KCNC2: variants seen among roughly 807,000 people sequenced by gnomAD.
The protein encoded by KCNC2 is voltage-gated potassium channel KCNC2.
KCNC2 carries 21 observed loss-of-function variants against 44.5 expected under a neutral mutation model. The ratio of observed to expected loss-of-function variants is 0.47; its 90% confidence interval spans 0.33 to 0.68. The LOEUF is 0.68. Ranked by LOEUF, KCNC2 falls within the 30% of genes least tolerant of loss-of-function variation. KCNC2 has a pLI of 0.01. For missense variants in KCNC2, 589 were observed against 826.2 expected, an observed-to-expected ratio of 0.71 and a Z score of 3.52; for synonymous variants, 391 against 339.1, an observed-to-expected ratio of 1.15 and a Z score of -1.68.
At position 75,172,945 on chromosome 12, in the gene KCNC2, T is replaced by C. The variant is rs776070463; in HGVS notation, c.687+34352A>G. On this transcript the variant is annotated intron_variant, in intron 2 of 4. Transcript: ENST00000549446. ...ATTATAACCAGAGAGCCAGATAGAATTCTGAGAAAAGCAAATCTGGCAATT... is the reference window on the plus strand; with the variant it reads ...ATTATAACCAGAGAGCCAGATAGAACTCTGAGAAAAGCAAATCTGGCAATT... 2.0e-5 allele frequency among the ~76,000 whole-genome samples: 3 copies of C among 151,954 alleles called. 1 individual carries two copies. The highest frequency in any genetic ancestry group is 2.0e-4 in the Admixed American group (3 of 15,240).
intron 2 of KCNC2, among the ~76,000 whole-genome samples, chr12:75,061,875 C>T (rs559807063): frequency 1.8e-4 from 28 of 152,014 alleles, no homozygotes; most frequent in African/African-American, 6.8e-4. Context: ...TTCTGAGAAG[C>T]ATCAGGAAAG....
At chr12:75,071,467 C>T (rs1411021966) in intron 2 of KCNC2, among the ~76,000 whole-genome samples, 2 of 152,166 alleles carry the variant, frequency 1.3e-5, no homozygotes, top group Non-Finnish European at 2.9e-5. Context: ...TTGTGTACAG[C>T]TTATACTTAT....
intron 2 of KCNC2, among the ~76,000 whole-genome samples, chr12:75,195,139 G>A (rs1002942018): frequency 6.6e-6 from 1 of 152,104 alleles, no homozygotes; most frequent in African/African-American, 2.4e-5. Flanking sequence ...TAGAAACTGT[G>A]CAAAAACTAA....
Position 75,041,037 on chromosome 12 carries a change from T to C in KCNC2, c.*2068A>G. On this transcript the variant is annotated 3_prime_UTR_variant, in exon 5 of 5. Coordinates refer to ENST00000549446, the MANE Select transcript of KCNC2 (RefSeq NM_139137.4). Reference sequence around the variant, plus strand: ...AGATGAGTTCCAGCCGCAGTTCTTTTATAAGCTTTAAGTGCCTCATGAAGA... The same window carrying C: ...AGATGAGTTCCAGCCGCAGTTCTTTCATAAGCTTTAAGTGCCTCATGAAGA... 1 of 1,340,126 alleles carries C rather than the reference T, an allele frequency of 7.5e-7. No individual in the cohort carries two copies. Among genetic ancestry groups the C allele is most frequent in the South Asian group, 1.2e-5 (1 of 84,940 alleles). 83.0% of individuals were successfully genotyped at this position (1,340,126 alleles called of 1,614,324 possible). A position where few individuals can be genotyped will look rare whatever the true frequency, so the allele number is the denominator to read the frequency against.
chr12:75,075,182 A>G (rs1410357432), intron 2 of KCNC2, among the ~76,000 whole-genome samples: 1 of 152,102 alleles, frequency 6.6e-6, no homozygotes, highest in East Asian at 1.9e-4. Context: ...GGTCAAATCT[A>G]TATTTCAGAA....
intron 2 of KCNC2, among the ~76,000 whole-genome samples, chr12:75,145,927 T>A (rs1889991012): frequency 6.6e-6 from 1 of 151,918 alleles, no homozygotes; most frequent in Non-Finnish European, 1.5e-5. Context: ...ATGTTACAGC[T>A]ACAACTAAAG....
Position 75,207,873 on chromosome 12 carries a change from A to G in KCNC2, c.111T>C (p.Leu37=), listed in dbSNP as rs766224762. 7 of 1,612,318 alleles carry G rather than the reference A, an allele frequency of 4.3e-6. No individual in the cohort carries two copies. The highest frequency in any genetic ancestry group is 1.7e-5 in the Admixed American group (1 of 59,978). The part of the protein sequence containing the change: ...KTLPGTRLAL[L]ASSEPPGDCL... ...AGTCGCCTGGGGGCTCGGAGGAGGC[A>G]AGAAGGGCCAGGCGTGTTCCAGGCA... is the stretch of plus-strand genomic sequence containing the variant. Residue 37 remains leucine (L), a synonymous_variant, in exon 2 of 5, where the codon CTT becomes CTC. Transcript: ENST00000549446. The surrounding 1 kb of genome is among the most constrained non-coding windows in gnomAD (Gnocchi z 4.1).
At chr12:75,106,253 G>T (rs1480080211) in intron 2 of KCNC2, among the ~76,000 whole-genome samples, 3 of 152,184 alleles carry the variant, frequency 2.0e-5, no homozygotes, top group Non-Finnish European at 4.4e-5. Flanking sequence ...TTGGGAGTTA[G>T]AAACCAGAGA....
chr12:75,086,681 A>AAATATATATATAT (rs1206456289), intron 2 of KCNC2, among the ~76,000 whole-genome samples: 52 of 54,178 alleles, frequency 9.6e-4, no homozygotes, highest in African/African-American at 1.0e-3. Flanking sequence ...AAAAAAAAAA[A>AAATATATATATAT]ATATATATAT....
chr12:75,089,216 T>A (rs1002004478), intron 2 of KCNC2, among the ~76,000 whole-genome samples: 9 of 151,884 alleles, frequency 5.9e-5, no homozygotes, highest in African/African-American at 1.9e-4. Flanking sequence ...TCTCTGTTAA[T>A]ATTCTATGAA....
At chr12:75,208,367 C>T (rs540108251) in intron 1 of KCNC2, among the ~76,000 whole-genome samples, 1 of 151,640 alleles carries the variant, frequency 6.6e-6, no homozygotes, top group South Asian at 2.1e-4. Flanking sequence ...AGCCCCTAAC[C>T]CCCTCTCTGC....
chr12:75,140,420 C>A (rs1446407978), intron 2 of KCNC2, among the ~76,000 whole-genome samples: 1 of 151,736 alleles, frequency 6.6e-6, no homozygotes, highest in Admixed American at 6.6e-5. Context: ...TTGTAAATGG[C>A]AAAGAATCAT....
intron 2 of KCNC2, among the ~76,000 whole-genome samples, chr12:75,120,809 C>T (rs916639147): frequency 2.6e-5 from 4 of 152,140 alleles, no homozygotes; most frequent in African/African-American, 9.7e-5. Flanking sequence ...TGAGATTGTA[C>T]TCTTGATTAT....
intron 2 of KCNC2, among the ~76,000 whole-genome samples, chr12:75,054,995 A>G (rs1881588383): frequency 6.6e-6 from 1 of 152,218 alleles, no homozygotes; most frequent in South Asian, 2.1e-4. Flanking sequence ...AGTAGAGCTT[A>G]AATGGGTAAA....
chr12:75,085,695 G>GATGC (rs1275091300), intron 2 of KCNC2, among the ~76,000 whole-genome samples: 6 of 152,006 alleles, frequency 3.9e-5, no homozygotes, highest in Admixed American at 6.6e-5. Flanking sequence ...ATGGAAAATA[G>GATGC]ATGCTCTAGG....
Position 75,089,501 on chromosome 12 carries a change from T to C in KCNC2, c.688-38184A>G, listed in dbSNP as rs1057458388. ...GTTAAATAAAAATACAATCCACCTA[T>C]ATTTAACATATGATTTATAAATTTT... On this transcript the variant is annotated intron_variant, in intron 2 of 4. Coordinates refer to ENST00000549446, the MANE Select transcript of KCNC2 (RefSeq NM_139137.4). Among the ~76,000 whole-genome samples the C allele has an allele frequency of 2.6e-5, 4 of 151,892 alleles. No individual in the cohort carries two copies. The Admixed American group carries it at 2.6e-4, about 10-fold the overall frequency.
intron 2 of KCNC2, among the ~76,000 whole-genome samples, chr12:75,185,806 G>A (rs997728764): frequency 6.6e-6 from 1 of 152,064 alleles, no homozygotes; most frequent in African/African-American, 2.4e-5. Context: ...AGGATTTGGG[G>A]TGGCTGAGGC....
intron 1 of KCNC2, among the ~76,000 whole-genome samples, 169 bp downstream of exon 1, chr12:75,209,038 T>C (rs2031940265): frequency 6.6e-6 from 1 of 151,926 alleles, no homozygotes; most frequent in South Asian, 2.1e-4. Context: ...GAGCTGAAAG[T>C]CTCGCTGACA....
At chr12:75,079,172 C>A (rs1046826907) in intron 2 of KCNC2, among the ~76,000 whole-genome samples, 6 of 151,950 alleles carry the variant, frequency 3.9e-5, no homozygotes, top group Non-Finnish European at 8.8e-5. Context: ...AGTAAGAGAA[C>A]ATGAAAATAT....
Sources: gnomAD v4.1 joint callset for allele counts (sites outside exome capture counted in the v4.1 genomes callset) on GRCh38, gnomAD v4.1.1 for gene constraint, Gnocchi (gnomAD v3.1) non-coding constraint, MANE v1.5 for transcripts, NCBI Gene and HGNC (gene_info 2026-07-23, HGNC 2026-07-21) for gene names.